The following TENM3 variants were observed in gnomAD, a reference collection of about 807,000 sequenced individuals.
The protein encoded by TENM3 is teneurin transmembrane protein 3.
A neutral mutation model predicts 255.1 loss-of-function variants in TENM3; 63 were observed. The ratio of observed to expected loss-of-function variants is 0.25; its 90% CI spans 0.20 to 0.30. TENM3 has a LOEUF of 0.30. Ranked by LOEUF, TENM3 falls within the 10% of genes least tolerant of loss-of-function variation. The pLI, the probability that TENM3 is intolerant of heterozygous loss-of-function variation, is 1.00. For synonymous variants in TENM3, 1,306 were observed against 1,322.3 expected (o/e 0.99, Z 0.27); for missense variants, 2,929 against 3,461.1 (o/e 0.85, Z 3.86).
At chr4:182,043,744 CTG>C in the TENM3 span, among the ~76,000 whole-genome samples, 1 of 152,194 alleles carries the variant, frequency 6.6e-6, no homozygotes, top group Admixed American at 6.5e-5. Context: ...ATGTAATCAA[CTG>C]TGTGTTTTCT....
At position 182,800,531 on chromosome 4, in the gene TENM3, C is replaced by G. The variant is rs1342989770; in HGVS notation, c.*180C>G. ...TTTTCCGAATGACCTTAAAGGTGAT[C>G]GGCTTTAACGAATATGTTTACATAT... is the stretch of plus-strand genomic sequence containing the variant. On this transcript the variant is annotated 3_prime_UTR_variant, in exon 28 of 28. Coordinates refer to ENST00000511685, the MANE Select transcript of TENM3 (RefSeq NM_001080477.4). The G allele has an allele frequency of 5.8e-6, 4 of 684,664 alleles. No homozygotes were observed. Among genetic ancestry groups the G allele is most frequent in the Non-Finnish European group, 7.0e-6 (3 of 428,770 alleles). The allele number at this position is 684,664 out of a possible 1,614,324, so 42.4% of individuals were successfully genotyped here. A position where few individuals can be genotyped will look rare whatever the true frequency, so the allele number is the denominator to read the frequency against.
At chr4:182,286,432 T>C (rs1760731990) in intron 1 of TENM3, among the ~76,000 whole-genome samples, 1 of 152,224 alleles carries the variant, frequency 6.6e-6, no homozygotes. Context: ...TATCAGAGCA[T>C]ACCCCTTCTT....
At chr4:181,905,890 T>C in the TENM3 span, 2 of 508,834 alleles carry the variant, frequency 3.9e-6, no homozygotes, top group African/African-American at 2.0e-5. Flanking sequence ...CTCTTCTTCA[T>C]AATTACATTA....
chr4:181,695,647 A>G, the TENM3 span, among the ~76,000 whole-genome samples: 5,879 of 152,202 alleles, frequency 0.039, 352 homozygotes, highest in African/African-American at 0.13. Context: ...TTTTGTGTTC[A>G]TATCTTCTCC....
At chr4:181,455,371 A>G in the TENM3 span, among the ~76,000 whole-genome samples, 2 of 152,124 alleles carry the variant, frequency 1.3e-5, no homozygotes, top group South Asian at 4.1e-4. Flanking sequence ...TAACATCCCC[A>G]CATGATGCCA....
At chr4:182,296,318 C>A (rs1356846080) in intron 1 of TENM3, among the ~76,000 whole-genome samples, 2 of 152,190 alleles carry the variant, frequency 1.3e-5, no homozygotes, top group Non-Finnish European at 2.9e-5. Context: ...CTATTAAAGA[C>A]ATGAAAACTC....
At chr4:182,686,313 C>T (rs991797950) in intron 11 of TENM3, among the ~76,000 whole-genome samples, 12 of 152,100 alleles carry the variant, frequency 7.9e-5, no homozygotes, top group Non-Finnish European at 1.3e-4. Context: ...CTCAAATATG[C>T]TTCCAATCAC....
Position 182,544,165 on chromosome 4 carries a change from C to A in TENM3, c.512-56759C>A, listed in dbSNP as rs116473932. Among the ~76,000 whole-genome samples the A allele has an allele frequency of 3.1e-3, 464 of 152,096 alleles. 2 individuals carry two copies. The highest frequency in any genetic ancestry group is 0.011 in the African/African-American group (447 of 41,498). ...AATATTGTATTCAGAAAGGTATATA[C>A]ATGTAAGTTTTTAGTTGATTGTGCA... is the stretch of plus-strand genomic sequence containing the variant. On this transcript the variant is annotated intron_variant, in intron 3 of 27. Transcript: ENST00000511685.
the TENM3 span, among the ~76,000 whole-genome samples, chr4:181,598,653 T>C: frequency 1.3e-5 from 2 of 150,444 alleles, no homozygotes; most frequent in Non-Finnish European, 3.0e-5. Context: ...GCCCAATGTT[T>C]AACATATCCT....
intron 3 of TENM3, among the ~76,000 whole-genome samples, chr4:182,410,377 A>T (rs569353893): frequency 6.6e-6 from 1 of 152,316 alleles, no homozygotes; most frequent in South Asian, 2.1e-4. Flanking sequence ...GTGCACACAT[A>T]CATGCCTGGA....
chr4:181,511,946 TGTTAGG>T, the TENM3 span, among the ~76,000 whole-genome samples: 1 of 152,076 alleles, frequency 6.6e-6, no homozygotes, highest in Non-Finnish European at 1.5e-5. Flanking sequence ...TAAGAGTCTG[TGTTAGG>T]GTGCCCAGCA....
At chr4:182,442,842 A>ATT (rs1491318972) in intron 3 of TENM3, among the ~76,000 whole-genome samples, 1 of 52,294 alleles carries the variant, frequency 1.9e-5, no homozygotes, top group African/African-American at 7.7e-5. Flanking sequence ...ACATACATAC[A>ATT]TATATACACA....
the TENM3 span, among the ~76,000 whole-genome samples, chr4:182,026,072 G>A: frequency 6.6e-6 from 1 of 152,248 alleles, no homozygotes; most frequent in South Asian, 2.1e-4. Flanking sequence ...GAGAACATGT[G>A]GTGTTTGGTT....
chr4:182,764,786 A>T (rs1156792919), intron 22 of TENM3, among the ~76,000 whole-genome samples: 2 of 152,194 alleles, frequency 1.3e-5, no homozygotes, highest in African/African-American at 4.8e-5. Flanking sequence ...GACTGCGTGG[A>T]TCTTCCCTCC....
chr4:181,937,916 A>G, the TENM3 span, among the ~76,000 whole-genome samples: 2 of 152,166 alleles, frequency 1.3e-5, no homozygotes, highest in African/African-American at 4.8e-5. Flanking sequence ...TTTTCAGGTG[A>G]GCCTGAAGAG....
At chr4:182,059,303 A>G in the TENM3 span, among the ~76,000 whole-genome samples, 1 of 152,096 alleles carries the variant, frequency 6.6e-6, no homozygotes, top group African/African-American at 2.4e-5. Context: ...CCTTTATTAA[A>G]AAGAATATTG....
chr4:181,564,793 T>G, the TENM3 span, among the ~76,000 whole-genome samples: 1 of 152,240 alleles, frequency 6.6e-6, no homozygotes, highest in South Asian at 2.1e-4. Flanking sequence ...GTCATCCATT[T>G]ACATAAGCCG....
intron 2 of TENM3, among the ~76,000 whole-genome samples, chr4:182,345,937 CAG>C (rs1764769528): frequency 6.6e-6 from 1 of 152,052 alleles, no homozygotes; most frequent in Admixed American, 6.6e-5. Flanking sequence ...CTGATCAATA[CAG>C]ATGTTTTCAG....
the TENM3 span, among the ~76,000 whole-genome samples, chr4:181,493,007 C>T: frequency 2.0e-5 from 3 of 151,076 alleles, no homozygotes; most frequent in African/African-American, 4.9e-5. Flanking sequence ...AAGTATGAAC[C>T]AGACCATTGT....
Sources: gnomAD v4.1 joint callset for allele counts (sites outside exome capture counted in the v4.1 genomes callset) on GRCh38, gnomAD v4.1.1 for gene constraint, MANE v1.5 for transcripts, NCBI Gene and HGNC (gene_info 2026-07-23, HGNC 2026-07-21) for gene names.